The following KRT38 variants were observed in gnomAD, a reference collection of about 807,000 sequenced individuals.
KRT38 encodes keratin, type I cuticular Ha8.
KRT38 carries 45 observed loss-of-function variants against 43.1 expected under a neutral mutation model. That is an observed-to-expected ratio of 1.04 (90% CI 0.82 to 1.34). KRT38 has a LOEUF of 1.34. Among genes scored for constraint, KRT38 ranks in the 40% most tolerant of loss-of-function variants. The pLI, the probability that KRT38 is intolerant of heterozygous loss-of-function variation, is 0.00. For missense variants in KRT38, 627 were observed against 586.2 expected, an observed-to-expected ratio of 1.07 and a Z score of -0.72; for synonymous variants, 258 against 244.0, an observed-to-expected ratio of 1.06 and a Z score of -0.53.
In KRT38 at chr17:41,436,511, G is replaced by A. The variant is rs754325984; in HGVS notation, c.*901C>T. On this transcript the variant is annotated 3_prime_UTR_variant, in exon 7 of 7. Transcript: ENST00000246646. Reference sequence around the variant, plus strand: ...GTGTGGCTGAATCATGGTAAGGAAGGTAGAGAGTATGAAGAGAAGAGGTGG... The same window carrying A: ...GTGTGGCTGAATCATGGTAAGGAAGATAGAGAGTATGAAGAGAAGAGGTGG... The A allele has an allele frequency of 3.9e-5, 6 of 152,204 alleles. No individual in the cohort carries two copies. The highest frequency in any genetic ancestry group is 1.4e-4 in the African/African-American group (6 of 41,440). The allele number at this position is 152,204 out of a possible 1,614,324, so 9.4% of individuals were successfully genotyped here.
At position 41,438,190 on chromosome 17, in the gene KRT38, G is replaced by T. The variant is rs773055251; in HGVS notation, c.1144C>A (p.Arg382=). The T allele has an allele frequency of 1.7e-5, 28 of 1,614,070 alleles. No individual in the cohort carries two copies. The highest frequency in any genetic ancestry group is 1.6e-4 in the Middle Eastern group (1 of 6,084). The change falls in exon 6 of 7, where the codon CGG becomes AGG. Residue 382 remains arginine, a synonymous_variant. Coordinates refer to ENST00000246646, the MANE Select transcript of KRT38 (RefSeq NM_006771.4). The part of the protein sequence containing the change: ...QLSEIRADLE[R]QNQEYQVLLD... ...AGCACCTGGTACTCCTGGTTTTGCC[G>T]CTCCAGGTCGGCCCGGATCTCAGAC...
Position 41,439,304 on chromosome 17 carries a change from G to T in KRT38, c.631C>A (p.Gln211Lys). 6.2e-7 allele frequency: 1 copy of T among 1,614,198 alleles called. No homozygotes were observed. The highest frequency in any genetic ancestry group is 1.3e-5 in the African/African-American group (1 of 75,062). The change falls in exon 3 of 7, where the codon CAG becomes AAG. Residue 211 changes from glutamine (Q) to lysine (K), a missense_variant. Physicochemically the swap from Gln to Lys is moderately conservative, Grantham distance 53 (BLOSUM62 1). Transcript: ENST00000246646. The part of the protein sequence containing the change: ...QLVEADKCGT[Q>K]KLLDDATLAK... ...AGGGTCGCATCATCCAGGAGCTTCT[G>T]TGTCCCACACTTGTCTGCCTCCACC... is the stretch of plus-strand genomic sequence containing the variant.
intron 1 of KRT38, 75 bp from the exon 2 acceptor site, chr17:41,440,318 A>C: frequency 2.5e-6 from 4 of 1,604,156 alleles, no homozygotes; most frequent in Non-Finnish European, 3.4e-6. Context: ...GGTGTCTATG[A>C]TCATGTCCAA....
At position 41,440,645 on chromosome 17, in the gene KRT38, C is replaced by G. The variant is rs766626895; in HGVS notation, c.277G>C (p.Gly93Arg). Residue 93 changes from glycine (G) to arginine (R), a missense_variant, in exon 1 of 7, where the codon GGG becomes CGG. Physicochemically the swap from Gly to Arg is moderately radical, Grantham distance 125. Coordinates refer to ENST00000246646, the MANE Select transcript of KRT38 (RefSeq NM_006771.4). ...CHIPGNIGIC[G>R]AYGENTLNGH... The stretch of plus-strand genomic sequence containing the variant: ...TTCAGGGTGTTTTCACCATAGGCCC[C>G]ACAGATTCCAATGTTGCCAGGAATG... 1 of 1,614,204 alleles carries G rather than the reference C, an allele frequency of 6.2e-7. No homozygotes were observed. Among genetic ancestry groups the G allele is most frequent in the Non-Finnish European group, 8.5e-7 (1 of 1,180,038 alleles).
Position 41,440,487 on chromosome 17 carries a change from G to C in KRT38, c.435C>G (p.Ser145=). ...TLLERSKCHE[S]TVCPDYQSYF... The stretch of plus-strand genomic sequence containing the variant: ...AAGACTGGTAGTCGGGGCACACGGT[G>C]GACTCGTGGCACTTGCTCCTCTCGA... The change falls in exon 1 of 7, where the codon TCC becomes TCG. Residue 145 remains serine (S), a synonymous_variant. Transcript: ENST00000246646. 6.2e-7 allele frequency: 1 copy of C among 1,614,220 alleles called. No homozygotes were observed. Among genetic ancestry groups the C allele is most frequent in the South Asian group, 1.1e-5 (1 of 91,082 alleles).
At position 41,440,377 on chromosome 17, in the gene KRT38, G is replaced by A. The variant is rs183017846; in HGVS notation, c.492+53C>T. The A allele has an allele frequency of 9.8e-5, 157 of 1,601,530 alleles. 1 individual carries two copies. The East Asian group carries it at 3.2e-3, about 32-fold the overall frequency. ...TCTGAGCTTTACATGGATTCCTCCT[G>A]TCTTGCCTCTGCCATCTCAGACCCA... On this transcript the variant is annotated intron_variant, in intron 1 of 6. Coordinates refer to ENST00000246646, the MANE Select transcript of KRT38 (RefSeq NM_006771.4).
intron 3 of KRT38, 130 bp downstream of exon 3, chr17:41,439,073 C>T: frequency 1.6e-6 from 2 of 1,289,636 alleles, no homozygotes; most frequent in Non-Finnish European, 2.1e-6. Context: ...GCCCTCTGGA[C>T]CCTCAGACCC....
rs1348001554 is a variant in KRT38, at chr17:41,440,472, G to A, written c.450C>T (p.Asp150=). Residue 150 remains aspartate (D), a synonymous_variant, in exon 1 of 7, where the codon GAC becomes GAT. Coordinates refer to ENST00000246646, the MANE Select transcript of KRT38 (RefSeq NM_006771.4). The part of the protein sequence containing the change: ...SKCHESTVCP[D]YQSYFHTIEE... ...CGATGGTGTGGAAGTAAGACTGGTA[G>A]TCGGGGCACACGGTGGACTCGTGGC... The A allele has an allele frequency of 2.5e-6, 4 of 1,614,132 alleles. No homozygotes were observed. Among genetic ancestry groups the A allele is most frequent in the Middle Eastern group, 3.3e-4 (2 of 6,084 alleles).
At chr17:41,439,595 T>C (rs1388654935) in intron 2 of KRT38, among the ~76,000 whole-genome samples, 1 of 152,252 alleles carries the variant, frequency 6.6e-6, no homozygotes, top group Non-Finnish European at 1.5e-5. Context: ...CTGTGGCAAC[T>C]GCAGTTCAGG....
rs755742178 is a variant in KRT38 at position 41,440,841 on chromosome 17, G to A, written c.81C>T (p.Pro27=). The A allele has an allele frequency of 3.1e-6, 5 of 1,597,626 alleles. No individual in the cohort carries two copies. Among genetic ancestry groups the A allele is most frequent in the Non-Finnish European group, 3.4e-6 (4 of 1,172,156 alleles). The stretch of plus-strand genomic sequence containing the variant: ...CCCCAGGCTGGCACCCAATGTCGAT[G>A]GGAGAGACAGAGACATTTCTTGCTC... ...APGARNVSVS[P]IDIGCQPGAE... is the part of the protein sequence containing the mutation. Residue 27 remains proline, a synonymous_variant, in exon 1 of 7, where the codon CCC becomes CCT. Transcript: ENST00000246646.
In KRT38 at chr17:41,437,477, T is replaced by C. The variant is rs1209156969; in HGVS notation, c.1306A>G (p.Ser436Gly). 2.6e-6 allele frequency: 4 copies of C among 1,556,628 alleles called. No homozygotes were observed. In the Admixed American group the frequency reaches 6.4e-5, roughly 25 times the overall value. The stretch of plus-strand genomic sequence containing the variant: ...CCACAGGTGGTGCAGGGGCCACAGC[T>C]TGGGCGAGGAGCACAGGGGGCAGTC... ...CVTAPCAPRPSCGPCTTCGPT... is the reference protein window; with the variant it reads ...CVTAPCAPRPGCGPCTTCGPT... The change falls in exon 7 of 7, where the codon AGC becomes GGC. Residue 436 changes from serine (S) to glycine (G), a missense_variant. Coordinates refer to ENST00000246646, the MANE Select transcript of KRT38 (RefSeq NM_006771.4).
Position 41,438,285 on chromosome 17 carries a change from T to C in KRT38, c.1049A>G (p.Glu350Gly), listed in dbSNP as rs764221166. 2 of 1,614,180 alleles carry C rather than the reference T, an allele frequency of 1.2e-6. No homozygotes were observed. Among genetic ancestry groups the C allele is most frequent in the African/African-American group, 1.3e-5 (1 of 75,038 alleles). ...CTCCGTGCCGAAGCGGTCCTCGGCT[T>C]CACACAGGGAGTTCTGCAGACAGTC... ...LKDCLQNSLC[E>G]AEDRFGTELA... is the part of the protein sequence containing the mutation. The change falls in exon 6 of 7, where the codon GAA (glutamate) becomes GGA (glycine). Residue 350 changes from glutamate (E) to glycine (G), a missense_variant. By Grantham distance (98) the Glu-to-Gly change is moderately conservative. Coordinates refer to ENST00000246646, the MANE Select transcript of KRT38 (RefSeq NM_006771.4).
chr17:41,440,283 T>C (rs1437769266), intron 1 of KRT38, 40 bp from the exon 2 acceptor site: 1 of 1,610,764 alleles, frequency 6.2e-7, no homozygotes, highest in Non-Finnish European at 8.5e-7. Flanking sequence ...CAAAGCATCA[T>C]GCCCTAGGCT....
rs1162082271 is a variant in KRT38 at position 41,440,607 on chromosome 17, C to T, written c.315G>A (p.Lys105=). The T allele has an allele frequency of 2.5e-6, 4 of 1,614,110 alleles. No homozygotes were observed. The Admixed American group carries it at 6.7e-5, about 27-fold the overall frequency. Residue 105 remains lysine, a synonymous_variant, in exon 1 of 7, where the codon AAG becomes AAA. Transcript: ENST00000246646. ...YGENTLNGHE[K]ETMQFLNDRL... Reference sequence around the variant, plus strand: ...GGTCATTCAGGAACTGCATGGTCTCCTTCTCATGGCCATTCAGGGTGTTTT... The same window carrying T: ...GGTCATTCAGGAACTGCATGGTCTCTTTCTCATGGCCATTCAGGGTGTTTT...
Position 41,440,741 on chromosome 17 carries a change from G to T in KRT38, c.181C>A (p.Pro61Thr). 6.2e-7 allele frequency: 1 copy of T among 1,614,080 alleles called. No homozygotes were observed. The highest frequency in any genetic ancestry group is 1.1e-5 in the South Asian group (1 of 91,074). Reference protein sequence around the residue: ...HANRVRVGSTPLGRPSLCLPP... With the variant: ...HANRVRVGSTTLGRPSLCLPP... ...AGACAGAGGCTGGGGCGGCCCAGGG[G>T]AGTGGACCCCACACGGACTCGGTTG... is the stretch of plus-strand genomic sequence containing the variant. The change falls in exon 1 of 7, where the codon CCC becomes ACC. Residue 61 changes from proline to threonine, a missense_variant. Pro to Thr is a conservative substitution (Grantham distance 38, BLOSUM62 -1). Coordinates refer to ENST00000246646, the MANE Select transcript of KRT38 (RefSeq NM_006771.4).
In KRT38 at chr17:41,436,684, G is replaced by A. The variant is rs2018729372; in HGVS notation, c.*728C>T. On this transcript the variant is annotated 3_prime_UTR_variant, in exon 7 of 7. Coordinates refer to ENST00000246646, the MANE Select transcript of KRT38 (RefSeq NM_006771.4). ...CAGGGGTTATAGCCAGACAAGTCTG[G>A]AGAGTCAGAATTTATAGAGAAAAAA... 1 of 152,198 alleles carries A rather than the reference G, an allele frequency of 6.6e-6. No homozygotes were observed. The highest frequency in any genetic ancestry group is 1.5e-5 in the Non-Finnish European group (1 of 68,026). The allele number at this position is 152,198 out of a possible 1,614,324, so 9.4% of individuals were successfully genotyped here. A position where few individuals can be genotyped will look rare whatever the true frequency, so the allele number is the denominator to read the frequency against.
intron 2 of KRT38, 136 bp downstream of exon 2, chr17:41,440,025 T>C: frequency 1.4e-6 from 1 of 716,770 alleles, no homozygotes; most frequent in Non-Finnish European, 2.4e-6. Flanking sequence ...TCCATCAGCT[T>C]CGATTGTAAT....
In KRT38 at chr17:41,440,896, G is replaced by A; in HGVS notation, c.26C>T (p.Ser9Leu). The change falls in exon 1 of 7, where the codon TCA becomes TTA. Residue 9 changes from serine to leucine, a missense_variant. By Grantham distance (145) the Ser-to-Leu change is moderately radical. Coordinates refer to ENST00000246646, the MANE Select transcript of KRT38 (RefSeq NM_006771.4). MTSSYSSS[S>L]CPLGCTMAPG... ...AGCCATGGTGCAACCCAGAGGGCAT[G>A]AGGAGCTGCTGTAGGAAGAGGTCAT... is the stretch of plus-strand genomic sequence containing the variant. 1 of 1,548,196 alleles carries A rather than the reference G, an allele frequency of 6.5e-7. No homozygotes were observed. Among genetic ancestry groups the A allele is most frequent in the South Asian group, 1.3e-5 (1 of 78,994 alleles).
Position 41,439,227 on chromosome 17 carries a change from G to C in KRT38, c.708C>G (p.Leu236=). 1.2e-6 allele frequency: 2 copies of C among 1,614,142 alleles called. No homozygotes were observed. The highest frequency in any genetic ancestry group is 1.7e-6 in the Non-Finnish European group (2 of 1,180,006). Residue 236 remains leucine, a synonymous_variant, in exon 3 of 7, where the codon CTC becomes CTG. Transcript: ENST00000246646. ...AQQESLKEEQ[L]SLKSNHEQEV... ...CCTGCTCGTGGTTGCTCTTGAGGGA[G>C]AGCTGCTCCTCCTTCAGGGACTCCT... is the stretch of plus-strand genomic sequence containing the variant.
Sources: gnomAD v4.1 joint callset for allele counts (sites outside exome capture counted in the v4.1 genomes callset) on GRCh38, gnomAD v4.1.1 for gene constraint, MANE v1.5 for transcripts, NCBI Gene and HGNC (gene_info 2026-07-23, HGNC 2026-07-21) for gene names.